The following GTF2H1 variants were observed in gnomAD, a reference collection of about 807,000 sequenced individuals.
GTF2H1 encodes general transcription factor IIH subunit 1.
In GTF2H1, 16 loss-of-function variants were observed where a neutral mutation model predicts 71.2. The observed-to-expected ratio is 0.22, with a 90% CI of 0.15 to 0.34. The LOEUF is 0.34. Among genes scored for constraint, GTF2H1 ranks in the 10% least tolerant of loss-of-function variants. The probability of loss-of-function intolerance (pLI) is 1.00; values close to 1 mark genes in which losing one functional copy is unlikely to be tolerated. For synonymous variants in GTF2H1, 215 were observed against 219.0 expected (o/e 0.98, Z 0.16); for missense variants, 498 against 648.2 (o/e 0.77, Z 2.52).
At chr11:18,329,223 G>A (rs758293990) in intron 1 of GTF2H1, among the ~76,000 whole-genome samples, 1 of 151,974 alleles carries the variant, frequency 6.6e-6, no homozygotes, top group South Asian at 2.1e-4. Flanking sequence ...TCATCTAATC[G>A]GGCTTTATTC....
chr11:18,339,717 A>G, intron 5 of GTF2H1, 60 bp downstream of exon 5: 1 of 985,738 alleles, frequency 1.0e-6, no homozygotes, highest in Non-Finnish European at 1.5e-6. Context: ...ATAGTATATC[A>G]GTGAAAAACA....
intron 3 of GTF2H1, 36 bp downstream of exon 3, chr11:18,335,982 T>C: frequency 6.6e-7 from 1 of 1,504,000 alleles, no homozygotes; most frequent in Non-Finnish European, 9.2e-7. Context: ...AAAGAGATAC[T>C]GGGTTCTCTA....
intron 1 of GTF2H1, among the ~76,000 whole-genome samples, chr11:18,324,455 A>G (rs891927436): frequency 5.3e-5 from 8 of 152,306 alleles, no homozygotes; most frequent in Non-Finnish European, 8.8e-5. Context: ...AGCGACCAGC[A>G]CCAGTCCTGG....
intron 3 of GTF2H1, 65 bp downstream of exon 3, chr11:18,336,011 A>ACAAGCTAT: frequency 3.5e-6 from 4 of 1,157,260 alleles, no homozygotes; most frequent in South Asian, 1.7e-5. Flanking sequence ...TAGTATGCTA[A>ACAAGCTAT]TAGCTTGTTA....
chr11:18,355,057 G>T (rs191758159), intron 11 of GTF2H1, among the ~76,000 whole-genome samples: 1 of 151,700 alleles, frequency 6.6e-6, no homozygotes, highest in Non-Finnish European at 1.5e-5. Flanking sequence ...CAATCCACTC[G>T]CCTCGGCCTC....
intron 1 of GTF2H1, among the ~76,000 whole-genome samples, chr11:18,325,124 T>C (rs1262441368): frequency 6.6e-6 from 1 of 152,252 alleles, no homozygotes; most frequent in African/African-American, 2.4e-5. Flanking sequence ...TAGTAATCCT[T>C]CTTTCAGAAG....
At chr11:18,327,491 C>T (rs1444954759) in intron 1 of GTF2H1, among the ~76,000 whole-genome samples, 1 of 152,172 alleles carries the variant, frequency 6.6e-6, no homozygotes, top group African/African-American at 2.4e-5. Context: ...GACCCAGTTT[C>T]CTTATCTACA....
intron 4 of GTF2H1, among the ~76,000 whole-genome samples, chr11:18,338,888 T>C (rs1164087437): frequency 2.0e-5 from 3 of 152,224 alleles, no homozygotes. Context: ...CTTTCAGAGT[T>C]TGGACTAATA....
chr11:18,350,144 T>C (rs1865392492), intron 9 of GTF2H1, among the ~76,000 whole-genome samples: 1 of 152,232 alleles, frequency 6.6e-6, no homozygotes, highest in Non-Finnish European at 1.5e-5. Context: ...GACTGCTGTT[T>C]ATTCTATAAA....
At chr11:18,326,036 G>A (rs908422712) in intron 1 of GTF2H1, 1 of 152,224 alleles carries the variant, frequency 6.6e-6, no homozygotes, top group Non-Finnish European at 1.5e-5. Context: ...TAGCTACAGT[G>A]ATTCTGTTAA....
intron 14 of GTF2H1, among the ~76,000 whole-genome samples, chr11:18,365,328 A>G (rs748095739): frequency 6.6e-6 from 1 of 152,106 alleles, no homozygotes; most frequent in Non-Finnish European, 1.5e-5. Context: ...CAGTGAGCCA[A>G]AATCACACCA....
chr11:18,330,504 C>T (rs930242712), intron 1 of GTF2H1, among the ~76,000 whole-genome samples: 1 of 152,218 alleles, frequency 6.6e-6, no homozygotes, highest in Non-Finnish European at 1.5e-5. Flanking sequence ...AACACCAAGG[C>T]TGCAGTGAGC....
chr11:18,359,619 T>C (rs1865648359), intron 13 of GTF2H1, among the ~76,000 whole-genome samples: 1 of 152,198 alleles, frequency 6.6e-6, no homozygotes, highest in African/African-American at 2.4e-5. Flanking sequence ...TACCACTCTC[T>C]AAGATAGAGG....
intron 1 of GTF2H1, among the ~76,000 whole-genome samples, chr11:18,332,193 A>G (rs888218974): frequency 3.9e-5 from 6 of 152,202 alleles, no homozygotes; most frequent in African/African-American, 1.4e-4. Context: ...GCCCAGGGCA[A>G]ACGTAATTGT....
At chr11:18,325,906 C>T (rs1864752731) in intron 1 of GTF2H1, 2 of 152,190 alleles carry the variant, frequency 1.3e-5, no homozygotes, top group South Asian at 4.1e-4. Flanking sequence ...TTAAATGTAG[C>T]CTACACCAAT....
chr11:18,347,891 C>G lies in GTF2H1; in HGVS notation c.1025C>G (p.Ala342Gly), dbSNP rs143293506. ...PSNMDGNSGD[A>G]DCFQPAVKRA... ...AACATGGATGGAAATTCCGGAGATG[C>G]AGACTGCTTTCAGCCAGCAGTCAAA... The change falls in exon 9 of 15, where the codon GCA becomes GGA. Residue 342 changes from alanine to glycine, a missense_variant. Around this residue, in one of 3 missense-constraint regions of GTF2H1, gnomAD observed 266 missense variants for 301.6 expected, o/e 0.88. Coordinates refer to ENST00000265963, the MANE Select transcript of GTF2H1 (RefSeq NM_005316.4). 21 of 1,613,466 alleles carry G rather than the reference C, an allele frequency of 1.3e-5. No homozygotes were observed. Among genetic ancestry groups the G allele is most frequent in the Non-Finnish European group, 1.5e-5 (18 of 1,179,488 alleles).
intron 12 of GTF2H1, among the ~76,000 whole-genome samples, 156 bp from the exon 13 acceptor site, chr11:18,358,369 C>T (rs949092389): frequency 6.6e-6 from 1 of 152,220 alleles, no homozygotes; most frequent in East Asian, 1.9e-4. Context: ...TATGATCTCT[C>T]AGCCACAAAA....
At chr11:18,354,498 C>A (rs1228146759) in intron 11 of GTF2H1, among the ~76,000 whole-genome samples, 1 of 152,108 alleles carries the variant, frequency 6.6e-6, no homozygotes, top group Non-Finnish European at 1.5e-5. Flanking sequence ...GTGGCACAGT[C>A]ATAGCTCCGT....
At chr11:18,362,680 T>C (rs917175220) in intron 14 of GTF2H1, among the ~76,000 whole-genome samples, 3 of 146,546 alleles carry the variant, frequency 2.0e-5, no homozygotes, top group Admixed American at 6.7e-5. Flanking sequence ...TTTTTTTTTT[T>C]TTTTTTTTGA....
Sources: allele counts gnomAD v4.1 joint callset (sites outside exome capture counted in the v4.1 genomes callset), GRCh38; gene constraint gnomAD v4.1.1; regional missense constraint gnomAD v4.1.1; transcripts MANE v1.5; gene names NCBI Gene and HGNC (gene_info 2026-07-23, HGNC 2026-07-21).